Variants in CDYL2 observed in about 807,000 individuals in gnomAD.
The protein encoded by CDYL2 is chromodomain Y-like protein 2.
Under a neutral mutation model 49.4 loss-of-function variants are expected in CDYL2, and 23 were observed. That is an observed-to-expected ratio of 0.47 (90% CI 0.34 to 0.66). The LOEUF (loss-of-function observed/expected upper bound fraction) is 0.66. Ranked by LOEUF, CDYL2 falls within the 30% of genes least tolerant of loss-of-function variation. The probability of loss-of-function intolerance (pLI) is 0.01; values close to 1 mark genes in which losing one functional copy is unlikely to be tolerated. For missense variants in CDYL2, 678 were observed against 656.4 expected (o/e 1.03, Z -0.36); for synonymous variants, 360 against 268.8 (o/e 1.34, Z -3.32).
chr16:80,636,411 AC>A (rs1331564278), intron 2 of CDYL2, among the ~76,000 whole-genome samples: 1 of 152,208 alleles, frequency 6.6e-6, no homozygotes, highest in Non-Finnish European at 1.5e-5. Flanking sequence ...ATATGAACAG[AC>A]ATTTCTCAAG....
chr16:80,801,601 T>C (rs1423620556), intron 1 of CDYL2, among the ~76,000 whole-genome samples: 3 of 152,382 alleles, frequency 2.0e-5, no homozygotes, highest in East Asian at 3.8e-4. Flanking sequence ...TGAGTAGAGA[T>C]TGCGAGAAGC....
chr16:80,658,412 T>C (rs975260504), intron 2 of CDYL2, among the ~76,000 whole-genome samples: 2 of 152,164 alleles, frequency 1.3e-5, no homozygotes, highest in Non-Finnish European at 2.9e-5. Context: ...AACTTTTGGA[T>C]ATAATATTAT....
chr16:80,630,561 G>C (rs1289056914), intron 3 of CDYL2, among the ~76,000 whole-genome samples: 1 of 152,066 alleles, frequency 6.6e-6, no homozygotes, highest in African/African-American at 2.4e-5. Flanking sequence ...GCTGCTTTCG[G>C]GGTGGACTGC....
At chr16:80,791,948 G>C (rs1907623563) in intron 1 of CDYL2, among the ~76,000 whole-genome samples, 1 of 152,200 alleles carries the variant, frequency 6.6e-6, no homozygotes, top group Non-Finnish European at 1.5e-5. Context: ...AGCAATGGCA[G>C]TTTTCTCCTG....
chr16:80,630,433 T>C (rs1907508533), intron 3 of CDYL2, among the ~76,000 whole-genome samples: 1 of 152,198 alleles, frequency 6.6e-6, no homozygotes, highest in South Asian at 2.1e-4. Context: ...TGCTGTGCCT[T>C]TTTAGAGCAC....
chr16:80,641,483 A>G (rs2142404756), intron 2 of CDYL2, among the ~76,000 whole-genome samples: 1 of 152,242 alleles, frequency 6.6e-6, no homozygotes, highest in South Asian at 2.1e-4. Context: ...TCCCACAAGA[A>G]ATGCCTAAAG....
intron 1 of CDYL2, among the ~76,000 whole-genome samples, chr16:80,753,569 T>C (rs1461771274): frequency 1.3e-5 from 2 of 152,104 alleles, no homozygotes; most frequent in African/African-American, 4.8e-5. Flanking sequence ...GATCGTGCCA[T>C]TGTACTACAG....
intron 2 of CDYL2, among the ~76,000 whole-genome samples, chr16:80,648,844 C>T (rs1424905576): frequency 1.3e-5 from 2 of 152,080 alleles, no homozygotes; most frequent in East Asian, 1.9e-4. Context: ...GTTCAACATA[C>T]ACAAATCAGT....
rs778511407 is a variant in CDYL2, at chr16:80,684,843, T to C, written c.311A>G (p.His104Arg). The C allele has an allele frequency of 1.2e-6, 2 of 1,614,198 alleles. No individual in the cohort carries two copies. The highest frequency in any genetic ancestry group is 1.7e-6 in the Non-Finnish European group (2 of 1,180,034). The change falls in exon 2 of 7, where the codon CAT (histidine) becomes CGT (arginine). Residue 104 changes from histidine to arginine, a missense_variant. Coordinates refer to ENST00000570137, the MANE Select transcript of CDYL2 (RefSeq NM_152342.4). Reference protein sequence around the residue: ...SDPGKSKGTSHKRKRINPPLA... With the variant: ...SDPGKSKGTSRKRKRINPPLA... ...GGGAGGGTTAATTCGCTTCCGTTTA[T>C]GGGAGGTCCCCTTGCTCTTTCCAGG...
At chr16:80,621,014 G>A in intron 3 of CDYL2, 79 bp from the exon 4 acceptor site, 1 of 1,428,796 alleles carries the variant, frequency 7.0e-7, no homozygotes, top group African/African-American at 1.4e-5. Flanking sequence ...AAGACAGCCA[G>A]AGGCCTGACC....
chr16:80,799,545 A>T (rs1907864478), intron 1 of CDYL2, among the ~76,000 whole-genome samples: 2 of 152,218 alleles, frequency 1.3e-5, no homozygotes. Context: ...AGAGAAACAG[A>T]AGGATCCAAA....
chr16:80,735,456 A>G (rs1213431512), intron 1 of CDYL2, among the ~76,000 whole-genome samples: 1 of 152,216 alleles, frequency 6.6e-6, no homozygotes, highest in Admixed American at 6.5e-5. Flanking sequence ...TCAAAAATTA[A>G]TGAGCTAAAT....
chr16:80,728,810 GA>G (rs1325835058), intron 1 of CDYL2, among the ~76,000 whole-genome samples: 1 of 151,992 alleles, frequency 6.6e-6, no homozygotes, highest in Non-Finnish European at 1.5e-5. Flanking sequence ...CATTCTTAAA[GA>G]AAAGAATTTT....
At chr16:80,667,135 G>A (rs1909300210) in intron 2 of CDYL2, among the ~76,000 whole-genome samples, 1 of 152,168 alleles carries the variant, frequency 6.6e-6, no homozygotes, top group Admixed American at 6.5e-5. Context: ...AGACCTGCAG[G>A]ATGAGCAGAG....
At chr16:80,634,747 C>T (rs1243752886) in intron 2 of CDYL2, among the ~76,000 whole-genome samples, 1 of 152,050 alleles carries the variant, frequency 6.6e-6, no homozygotes, top group Non-Finnish European at 1.5e-5. Context: ...AAGACACAAA[C>T]TTCCAAAATA....
chr16:80,727,668 A>G (rs1905208173), intron 1 of CDYL2, among the ~76,000 whole-genome samples: 1 of 152,218 alleles, frequency 6.6e-6, no homozygotes, highest in Admixed American at 6.5e-5. Flanking sequence ...ACAAAAAGAC[A>G]GCAGTAACCT....
chr16:80,749,797 T>G (rs545561273), intron 1 of CDYL2, among the ~76,000 whole-genome samples: 3 of 152,326 alleles, frequency 2.0e-5, no homozygotes, highest in Non-Finnish European at 2.9e-5. Context: ...ATATGTTTAT[T>G]GTGGCACTAT....
At chr16:80,708,006 G>C (rs1359296180) in intron 1 of CDYL2, among the ~76,000 whole-genome samples, 1 of 152,154 alleles carries the variant, frequency 6.6e-6, no homozygotes, top group African/African-American at 2.4e-5. Context: ...CTACAAGAAA[G>C]GCTCAGAGGA....
chr16:80,793,359 T>C (rs1312014849), intron 1 of CDYL2, among the ~76,000 whole-genome samples: 1 of 152,202 alleles, frequency 6.6e-6, no homozygotes, highest in Non-Finnish European at 1.5e-5. Flanking sequence ...TTCAATTTGC[T>C]TTAAGGCACT....
Sources: gnomAD v4.1 joint callset for allele counts (sites outside exome capture counted in the v4.1 genomes callset) on GRCh38, gnomAD v4.1.1 for gene constraint, MANE v1.5 for transcripts, NCBI Gene and HGNC (gene_info 2026-07-23, HGNC 2026-07-21) for gene names.